The following DCAF10 variants were observed in gnomAD, a reference collection of about 807,000 sequenced individuals.
The protein encoded by DCAF10 is DDB1- and CUL4-associated factor 10.
In DCAF10, 19 loss-of-function variants were observed where a neutral mutation model predicts 51.9. The ratio of observed to expected loss-of-function variants is 0.37; its 90% CI spans 0.26 to 0.54. DCAF10 has a LOEUF of 0.54. Ranked by LOEUF, DCAF10 falls within the 20% of genes least tolerant of loss-of-function variation. The pLI is 0.87. For synonymous variants in DCAF10, 291 were observed against 297.1 expected (o/e 0.98, Z 0.21); for missense variants, 510 against 730.6 (o/e 0.70, Z 3.48).
intron 2 of DCAF10, among the ~76,000 whole-genome samples, chr9:37,821,814 A>G (rs1268371863): frequency 6.6e-6 from 1 of 152,244 alleles, no homozygotes; most frequent in African/African-American, 2.4e-5. Flanking sequence ...AACAGTTGGC[A>G]GAATAAACAG....
chr9:37,827,931 C>T (rs545754554), intron 2 of DCAF10, among the ~76,000 whole-genome samples: 25 of 152,220 alleles, frequency 1.6e-4, no homozygotes, highest in Non-Finnish European at 3.4e-4. Flanking sequence ...ATTTTAGAGA[C>T]AGAGTCCCAC....
At chr9:37,806,319 T>C (rs1829112698) in intron 1 of DCAF10, among the ~76,000 whole-genome samples, 1 of 152,116 alleles carries the variant, frequency 6.6e-6, no homozygotes, top group Non-Finnish European at 1.5e-5. Context: ...ACCAATTATA[T>C]AGCAACTAAA....
At chr9:37,838,897 GT>G (rs1830252370) in intron 2 of DCAF10, among the ~76,000 whole-genome samples, 1 of 151,788 alleles carries the variant, frequency 6.6e-6, no homozygotes. Context: ...AAGAAAAAAG[GT>G]TTCAGTTCTT....
intron 2 of DCAF10, among the ~76,000 whole-genome samples, chr9:37,831,520 C>T (rs1452019930): frequency 6.6e-6 from 1 of 152,130 alleles, no homozygotes; most frequent in Non-Finnish European, 1.5e-5. Context: ...CTGTACTGTT[C>T]AGAGACAGGG....
chr9:37,850,824 TTTTATATATATATATATATA>T (rs1273980960), intron 3 of DCAF10, among the ~76,000 whole-genome samples: 4 of 54,520 alleles, frequency 7.3e-5, no homozygotes, highest in African/African-American at 2.1e-4. Flanking sequence ...TGAGGATATA[TTTTATATATATATATATATA>T]TATATATATA....
chr9:37,841,030 T>C (rs929978792), intron 2 of DCAF10, among the ~76,000 whole-genome samples: 3 of 152,158 alleles, frequency 2.0e-5, no homozygotes, highest in African/African-American at 7.2e-5. Context: ...TAGGTTTGTG[T>C]AAGTTCATTC....
chr9:37,859,961 G>A, intron 5 of DCAF10, 87 bp from the exon 6 acceptor site: 1 of 1,494,462 alleles, frequency 6.7e-7, no homozygotes, highest in East Asian at 2.3e-5. Flanking sequence ...CGGCATGGGA[G>A]GTGGCTGCCA....
intron 2 of DCAF10, among the ~76,000 whole-genome samples, chr9:37,822,481 C>T (rs144229821): frequency 0.017 from 2,551 of 145,854 alleles, 35 homozygotes; most frequent in Non-Finnish European, 0.023. Flanking sequence ...AATGAATTAA[C>T]AGCATTTGCA....
chr9:37,822,819 C>T (rs1274439600), intron 2 of DCAF10, among the ~76,000 whole-genome samples: 1 of 152,022 alleles, frequency 6.6e-6, no homozygotes, highest in African/African-American at 2.4e-5. Context: ...AAAAAAAAGT[C>T]AAGCTGGGCT....
At chr9:37,809,704 GC>G (rs1032947824) in intron 1 of DCAF10, among the ~76,000 whole-genome samples, 7 of 151,890 alleles carry the variant, frequency 4.6e-5, no homozygotes, top group South Asian at 4.2e-4. Context: ...ATGGTGGTGG[GC>G]GCCTATAATC....
chr9:37,813,629 A>G (rs1247340560), intron 1 of DCAF10, among the ~76,000 whole-genome samples: 2 of 152,262 alleles, frequency 1.3e-5, no homozygotes, highest in Non-Finnish European at 2.9e-5. Context: ...TACCACTGCT[A>G]GCATTAGCTA....
intron 3 of DCAF10, among the ~76,000 whole-genome samples, chr9:37,854,575 A>G (rs1010636500): frequency 6.6e-6 from 1 of 152,136 alleles, no homozygotes; most frequent in African/African-American, 2.4e-5. Context: ...TTTATAATAT[A>G]CTGTATCTTA....
intron 3 of DCAF10, among the ~76,000 whole-genome samples, chr9:37,844,729 C>T (rs973486192): frequency 5.9e-4 from 90 of 152,190 alleles, no homozygotes; most frequent in African/African-American, 2.1e-3. Flanking sequence ...CCTGTAATCC[C>T]AGCTACTGAG....
intron 2 of DCAF10, among the ~76,000 whole-genome samples, chr9:37,820,829 C>T (rs2841947): frequency 0.32 from 49,091 of 151,866 alleles, 8,506 homozygotes; most frequent in Non-Finnish European, 0.39. Context: ...AAATCAGCCA[C>T]CAAAACATTC....
intron 2 of DCAF10, among the ~76,000 whole-genome samples, chr9:37,820,545 A>G (rs1303044384): frequency 6.6e-6 from 1 of 152,192 alleles, no homozygotes. Flanking sequence ...TTAGCTGATA[A>G]AAACACAGCC....
Position 37,836,139 on chromosome 9 carries a change from G to A in DCAF10, c.654-5950G>A. On this transcript the variant is annotated intron_variant, in intron 2 of 6. Coordinates refer to ENST00000377724, the MANE Select transcript of DCAF10 (RefSeq NM_024345.5). ...AGTACACGAACCTCCAAGGAAAATA[G>A]AGCGATTTACTCTTCTCATATCAGT... 5 of 1,362,144 alleles carry A rather than the reference G, an allele frequency of 3.7e-6. No individual in the cohort carries two copies. In the South Asian group the frequency reaches 5.9e-5, roughly 16 times the overall value. 84.4% of individuals were successfully genotyped at this position (1,362,144 alleles called of 1,614,324 possible).
chr9:37,806,105 A>C (rs1829106224), intron 1 of DCAF10, among the ~76,000 whole-genome samples: 3 of 152,214 alleles, frequency 2.0e-5, no homozygotes, highest in African/African-American at 7.2e-5. Flanking sequence ...AAATTAAAAA[A>C]TAAATAAAAG....
Position 37,861,603 on chromosome 9 carries a change from G to T in DCAF10, c.*95G>T. ...ATTTTCTTTTTAGAAGATCTTATAA[G>T]TTTGGGTCAAGATCCTGGTTCTTAT... On this transcript the variant is annotated 3_prime_UTR_variant, in exon 7 of 7. Transcript: ENST00000377724. The surrounding 1 kb of genome is among the most constrained non-coding windows in gnomAD (Gnocchi z 4.9). 6.6e-7 allele frequency: 1 copy of T among 1,505,716 alleles called. No individual in the cohort carries two copies. Among genetic ancestry groups the T allele is most frequent in the South Asian group, 1.4e-5 (1 of 73,582 alleles). The allele number at this position is 1,505,716 out of a possible 1,614,324, so 93.3% of individuals were successfully genotyped here.
intron 2 of DCAF10, among the ~76,000 whole-genome samples, chr9:37,820,302 A>T (rs1829665073): frequency 6.6e-6 from 1 of 152,216 alleles, no homozygotes; most frequent in Non-Finnish European, 1.5e-5. Flanking sequence ...ACATGGACAC[A>T]AAGTTTTAAA....
Sources: allele counts gnomAD v4.1 joint callset (sites outside exome capture counted in the v4.1 genomes callset), GRCh38; gene constraint gnomAD v4.1.1; non-coding constraint Gnocchi (gnomAD v3.1); transcripts MANE v1.5; gene names NCBI Gene and HGNC (gene_info 2026-07-23, HGNC 2026-07-21).